The following CDH12 variants were observed in gnomAD, a reference collection of about 807,000 sequenced individuals.
The protein encoded by CDH12 is cadherin 12.
In CDH12, 41 loss-of-function variants were observed where a neutral mutation model predicts 74.1. The ratio of observed to expected loss-of-function variants is 0.55; its 90% CI spans 0.43 to 0.72. CDH12 has a LOEUF of 0.72. Ranked by LOEUF, CDH12 falls within the 30% of genes least tolerant of loss-of-function variation. The pLI, the probability that CDH12 is intolerant of heterozygous loss-of-function variation, is 0.00. For synonymous variants in CDH12, 399 were observed against 355.0 expected, an observed-to-expected ratio of 1.12 and a Z score of -1.39; for missense variants, 945 against 977.2, an observed-to-expected ratio of 0.97 and a Z score of 0.44.
At chr5:22,612,081 T>G (rs896077087) in intron 1 of CDH12, among the ~76,000 whole-genome samples, 1 of 152,184 alleles carries the variant, frequency 6.6e-6, no homozygotes, top group Non-Finnish European at 1.5e-5. Context: ...TGGCCCTTAC[T>G]TATTGGTTAT....
At position 22,388,782 on chromosome 5, in the gene CDH12, A is replaced by T. The variant is rs574652914; in HGVS notation, c.-333+16475T>A. Among the ~76,000 whole-genome samples, 3 of 152,296 alleles carry T rather than the reference A, an allele frequency of 2.0e-5. No individual in the cohort carries two copies. The East Asian group carries it at 5.8e-4, about 29-fold the overall frequency. On this transcript the variant is annotated intron_variant, in intron 3 of 14. Coordinates refer to ENST00000382254, the MANE Select transcript of CDH12 (RefSeq NM_004061.5). ...TCTAAATGTTAACGTAAATGCCTTAAATATAACTCTTCTGATAACTCTTAA... is the reference window on the plus strand; with the variant it reads ...TCTAAATGTTAACGTAAATGCCTTATATATAACTCTTCTGATAACTCTTAA...
intron 4 of CDH12, among the ~76,000 whole-genome samples, chr5:22,115,075 T>C (rs1745013011): frequency 6.6e-6 from 1 of 152,164 alleles, no homozygotes; most frequent in South Asian, 2.1e-4. Flanking sequence ...CTACATTCTC[T>C]TTTAACCACC....
At chr5:22,334,109 T>A (rs899186490) in intron 3 of CDH12, among the ~76,000 whole-genome samples, 1 of 152,162 alleles carries the variant, frequency 6.6e-6, no homozygotes, top group African/African-American at 2.4e-5. Flanking sequence ...TTTACTATAG[T>A]ACTGGAAGTC....
intron 11 of CDH12, among the ~76,000 whole-genome samples, chr5:21,782,392 T>A (rs1396889736): frequency 1.3e-5 from 2 of 152,238 alleles, no homozygotes; most frequent in Non-Finnish European, 2.9e-5. Context: ...TGACTATTCA[T>A]GTTTGTTCGG....
At chr5:22,446,760 A>T (rs1744830594) in intron 2 of CDH12, among the ~76,000 whole-genome samples, 1 of 152,140 alleles carries the variant, frequency 6.6e-6, no homozygotes, top group African/African-American at 2.4e-5. Context: ...TACTCAAGTT[A>T]TGACCATCTA....
chr5:22,270,348 C>A (rs1253582034), intron 3 of CDH12, among the ~76,000 whole-genome samples: 2 of 152,026 alleles, frequency 1.3e-5, no homozygotes, highest in African/African-American at 4.8e-5. Flanking sequence ...GTAATTCCAG[C>A]CCTTTGGGAG....
chr5:21,954,369 A>C (rs1756000446), intron 6 of CDH12, among the ~76,000 whole-genome samples: 1 of 151,774 alleles, frequency 6.6e-6, no homozygotes, highest in African/African-American at 2.4e-5. Flanking sequence ...TCTTCAGAGT[A>C]GTGTGTGTGA....
intron 2 of CDH12, among the ~76,000 whole-genome samples, chr5:22,408,638 C>T (rs73058187): frequency 1.2e-3 from 186 of 150,564 alleles, no homozygotes; most frequent in African/African-American, 4.5e-3. Flanking sequence ...AGTACACATG[C>T]ATTATATTAA....
chr5:22,776,625 A>G (rs1333988081), intron 1 of CDH12, among the ~76,000 whole-genome samples: 3 of 152,174 alleles, frequency 2.0e-5, no homozygotes, highest in Non-Finnish European at 4.4e-5. Flanking sequence ...GGATTCTTCT[A>G]GAAAAAAATA....
intron 6 of CDH12, among the ~76,000 whole-genome samples, chr5:21,927,409 C>A (rs1054682848): frequency 7.4e-6 from 1 of 135,680 alleles, no homozygotes; most frequent in Non-Finnish European, 1.6e-5. Flanking sequence ...CATGGTAAAA[C>A]CCTGTCTCTA....
chr5:22,666,745 T>C (rs964697676), intron 1 of CDH12, among the ~76,000 whole-genome samples: 1 of 152,330 alleles, frequency 6.6e-6, no homozygotes, highest in Admixed American at 6.5e-5. Context: ...TATGACATTG[T>C]GTCCATAAAA....
At chr5:22,559,713 T>C (rs909052211) in intron 1 of CDH12, among the ~76,000 whole-genome samples, 4 of 152,140 alleles carry the variant, frequency 2.6e-5, no homozygotes, top group Non-Finnish European at 5.9e-5. Flanking sequence ...GGGTCTATAA[T>C]CACACACAAA....
At chr5:22,426,189 A>T (rs902138290) in intron 2 of CDH12, among the ~76,000 whole-genome samples, 4 of 78,644 alleles carry the variant, frequency 5.1e-5, no homozygotes, top group African/African-American at 1.9e-4. Context: ...CCATCTCAAA[A>T]AAAAGAAAAA....
At chr5:22,825,062 A>G (rs1002277865) in intron 1 of CDH12, among the ~76,000 whole-genome samples, 3 of 152,072 alleles carry the variant, frequency 2.0e-5, no homozygotes, top group African/African-American at 7.2e-5. Flanking sequence ...AAAGAAATAG[A>G]GATATCTCTA....
At chr5:22,090,033 A>T (rs1743318047) in intron 4 of CDH12, among the ~76,000 whole-genome samples, 2 of 152,040 alleles carry the variant, frequency 1.3e-5, no homozygotes, top group Admixed American at 6.6e-5. Context: ...AAACAATCAG[A>T]AGTAGTAAAG....
intron 3 of CDH12, among the ~76,000 whole-genome samples, chr5:22,359,184 C>A (rs1345385068): frequency 6.6e-6 from 1 of 152,086 alleles, no homozygotes; most frequent in Admixed American, 6.6e-5. Flanking sequence ...TCAGGAAACC[C>A]ATTTCATGTG....
chr5:22,138,845 AATATATATAT>A lies in CDH12; in HGVS notation c.-186-59993_-186-59984del, dbSNP rs67115449. Among the ~76,000 whole-genome samples the A allele has an allele frequency of 6.2e-3, 476 of 76,576 alleles. 19 individuals carry two copies. The highest frequency in any genetic ancestry group is 0.018 in the African/African-American group (412 of 22,608). The allele number at this position is 76,576 out of a possible 152,430, so 50.2% of individuals were successfully genotyped here. A position where few individuals can be genotyped will look rare whatever the true frequency, so the allele number is the denominator to read the frequency against. ...AATATATATGTGTACATATATACGT[AATATATATAT>A]ATATATATATATATATATATACATG... is the stretch of plus-strand genomic sequence containing the variant. On this transcript the variant is annotated intron_variant, in intron 4 of 14. Coordinates refer to ENST00000382254, the MANE Select transcript of CDH12 (RefSeq NM_004061.5).
chr5:22,453,062 A>G (rs947831071), intron 2 of CDH12, among the ~76,000 whole-genome samples: 21 of 151,974 alleles, frequency 1.4e-4, no homozygotes, highest in African/African-American at 5.1e-4. Flanking sequence ...TAAAATGGCT[A>G]TTATCAAAAA....
At chr5:22,045,602 C>CAAAAAAAA (rs34753862) in intron 5 of CDH12, among the ~76,000 whole-genome samples, 1 of 112,920 alleles carries the variant, frequency 8.9e-6, no homozygotes, top group African/African-American at 2.9e-5. Context: ...ACTATTCAGC[C>CAAAAAAAA]AAAAAAAAAA....
Sources: gnomAD v4.1 joint callset for allele counts (sites outside exome capture counted in the v4.1 genomes callset) on GRCh38, gnomAD v4.1.1 for gene constraint, MANE v1.5 for transcripts, NCBI Gene and HGNC (gene_info 2026-07-23, HGNC 2026-07-21) for gene names.